Variants in TPTE observed in about 807,000 individuals in gnomAD.
The protein encoded by TPTE is transmembrane phosphatase with tensin homology, also known as putative tyrosine-protein phosphatase TPTE.
A neutral mutation model predicts 84.1 loss-of-function variants in TPTE; 59 were observed. That is an observed-to-expected ratio of 0.70 (90% CI 0.57 to 0.87). The LOEUF (loss-of-function observed/expected upper bound fraction) is 0.87. TPTE is among the 40% of genes least tolerant of loss of function. TPTE has a pLI of 0.00. For synonymous variants in TPTE, 130 were observed against 223.5 expected, an observed-to-expected ratio of 0.58 and a Z score of 3.73; for missense variants, 382 against 659.6, an observed-to-expected ratio of 0.58 and a Z score of 4.61.
rs796954631 is a variant in TPTE at position 10,573,367 on chromosome 21, G to A, written c.795+2818G>A. On this transcript the variant is annotated intron_variant, in intron 14 of 23. Transcript: ENST00000618007. ...CAAGGCAAATATTTTTAGGTCTAAA[G>A]GGAAAGATAGACTCCAATGCAGTAA... is the stretch of plus-strand genomic sequence containing the variant. Among the ~76,000 whole-genome samples, 361 of 151,024 alleles carry A rather than the reference G, an allele frequency of 2.4e-3. No homozygotes were observed. In the East Asian group the frequency reaches 0.042, roughly 17 times the overall value.
intron 1 of TPTE, among the ~76,000 whole-genome samples, chr21:10,523,647 A>G (rs1451940013): frequency 1.3e-5 from 2 of 152,296 alleles, no homozygotes; most frequent in Admixed American, 1.3e-4. Flanking sequence ...TTATGGCTGC[A>G]TAGTATTCCA....
At chr21:10,555,834 TA>T (rs1455615027) in intron 8 of TPTE, among the ~76,000 whole-genome samples, 3 of 152,310 alleles carry the variant, frequency 2.0e-5, no homozygotes, top group African/African-American at 4.8e-5. Flanking sequence ...AAAACATAAT[TA>T]TACCATTTTT....
intron 3 of TPTE, among the ~76,000 whole-genome samples, chr21:10,530,822 C>A (rs1270755709): frequency 6.6e-6 from 1 of 152,308 alleles, no homozygotes; most frequent in African/African-American, 2.4e-5. Context: ...CAACACTTGA[C>A]ATTATCAAAC....
intron 20 of TPTE, among the ~76,000 whole-genome samples, chr21:10,597,412 C>CTTTTTTTTTTTTTTTTTTTTTTTTTTTT (rs146272836): frequency 1.4e-5 from 2 of 139,900 alleles, no homozygotes. Context: ...TTTCTTTTTT[C>CTTTTTTTTTTTTTTTTTTTTTTTTTTTT]TTTTTTTTTT....
At chr21:10,538,149 A>G (rs2074301303) in intron 3 of TPTE, among the ~76,000 whole-genome samples, 1 of 152,310 alleles carries the variant, frequency 6.6e-6, no homozygotes, top group Non-Finnish European at 1.5e-5. Flanking sequence ...CCTCAGGAGA[A>G]GAGAAAAAAG....
chr21:10,574,286 G>A (rs1286032890), intron 14 of TPTE, among the ~76,000 whole-genome samples: 1 of 152,310 alleles, frequency 6.6e-6, no homozygotes, highest in African/African-American at 2.4e-5. Context: ...GCCGAGAGGT[G>A]GAAGGAGTAC....
intron 3 of TPTE, among the ~76,000 whole-genome samples, chr21:10,536,976 C>T (rs7281381): frequency 0.014 from 2,147 of 151,218 alleles, no homozygotes; most frequent in African/African-American, 0.05. Flanking sequence ...TTCCTCACAC[C>T]CAGAGCTCTA....
chr21:10,525,079 TAGTGTTCAG>T (rs2074054933), intron 2 of TPTE, among the ~76,000 whole-genome samples: 1 of 152,310 alleles, frequency 6.6e-6, no homozygotes, highest in African/African-American at 2.4e-5. Context: ...GATGGTAAGC[TAGTGTTCAG>T]CTCAGGAAGC....
At chr21:10,531,088 G>A (rs1351494376) in intron 3 of TPTE, among the ~76,000 whole-genome samples, 1 of 152,308 alleles carries the variant, frequency 6.6e-6, no homozygotes, top group African/African-American at 2.4e-5. Context: ...TTAAAATTAT[G>A]TTTAATTTTC....
Position 10,598,091 on chromosome 21 carries a change from T to A in TPTE, c.1353T>A (p.Cys451Ter). 1 of 1,613,688 alleles carries A rather than the reference T, an allele frequency of 6.2e-7. No individual in the cohort carries two copies. Among genetic ancestry groups the A allele is most frequent in the Non-Finnish European group, 8.5e-7 (1 of 1,179,644 alleles). The change falls in exon 21 of 24, where the codon TGT becomes TGA. Residue 451 changes from cysteine (C) to a stop codon, truncating the protein, a stop_gained. Coordinates refer to ENST00000618007, the MANE Select transcript of TPTE (RefSeq NM_199261.4). LOFTEE classifies it high-confidence loss of function. ...TTTCCACTATTTCATTAGGAAAATG[T>A]TCGGTAAGAGAAAACATGTGAATTG... ...VVFSTISLGKCSVLDNITTDK... is the reference protein window; with the variant it reads ...VVFSTISLGK
intron 21 of TPTE, among the ~76,000 whole-genome samples, chr21:10,598,535 C>T (rs1201992896): frequency 2.0e-5 from 3 of 152,300 alleles, no homozygotes; most frequent in African/African-American, 7.2e-5. Flanking sequence ...GTTGTACCCC[C>T]AAAGTATGAT....
chr21:10,583,022 C>T (rs11184089), intron 17 of TPTE, among the ~76,000 whole-genome samples: 1,507 of 150,134 alleles, frequency 0.01, no homozygotes, highest in Non-Finnish European at 0.015. Flanking sequence ...CATGAGCCAC[C>T]GTGCCTAGCC....
At chr21:10,532,881 A>G (rs2074203322) in intron 3 of TPTE, among the ~76,000 whole-genome samples, 1 of 152,302 alleles carries the variant, frequency 6.6e-6, no homozygotes, top group Non-Finnish European at 1.5e-5. Context: ...TTTATGGTAC[A>G]GAGAGCTATG....
At chr21:10,523,126 ACTT>A (rs2074013441) in intron 1 of TPTE, among the ~76,000 whole-genome samples, 1 of 152,308 alleles carries the variant, frequency 6.6e-6, no homozygotes, top group African/African-American at 2.4e-5. Flanking sequence ...CTTGATGTAA[ACTT>A]CTTCATCAGA....
chr21:10,536,542 TTCTG>T (rs1395331381), intron 3 of TPTE, among the ~76,000 whole-genome samples: 11 of 152,302 alleles, frequency 7.2e-5, no homozygotes, highest in Admixed American at 1.3e-4. Context: ...ATATACATAC[TTCTG>T]TCTATCTAGA....
intron 3 of TPTE, among the ~76,000 whole-genome samples, chr21:10,533,508 A>AT (rs1263436839): frequency 9.2e-5 from 14 of 152,304 alleles, no homozygotes; most frequent in African/African-American, 3.4e-4. Flanking sequence ...GTGAACTCAG[A>AT]TTTTTTGTGG....
intron 9 of TPTE, among the ~76,000 whole-genome samples, chr21:10,560,148 C>CAA (rs2145673358): frequency 6.6e-6 from 1 of 152,402 alleles, no homozygotes; most frequent in East Asian, 1.9e-4. Context: ...GTTTTTCTTC[C>CAA]ATCTGCAAAA....
intron 17 of TPTE, among the ~76,000 whole-genome samples, chr21:10,582,056 T>C (rs1202819846): frequency 6.6e-6 from 1 of 152,308 alleles, no homozygotes; most frequent in Non-Finnish European, 1.5e-5. Context: ...ATTTTGAATA[T>C]AGTGAAATTT....
At chr21:10,575,021 TG>T (rs1385642131) in intron 14 of TPTE, among the ~76,000 whole-genome samples, 13 of 152,368 alleles carry the variant, frequency 8.5e-5, no homozygotes, top group Admixed American at 2.6e-4. Flanking sequence ...CCCGTTTCCT[TG>T]GCACCTCACA....
Sources: gnomAD v4.1 joint callset for allele counts (sites outside exome capture counted in the v4.1 genomes callset) on GRCh38, gnomAD v4.1.1 for gene constraint, MANE v1.5 for transcripts, NCBI Gene and HGNC (gene_info 2026-07-23, HGNC 2026-07-21) for gene names.